Variants in ATAD3B observed in about 807,000 individuals in gnomAD.
ATAD3B encodes the protein ATPase family AAA domain containing 3B.
A neutral mutation model predicts 70.2 loss-of-function variants in ATAD3B; 59 were observed. That is an observed-to-expected ratio of 0.84 (90% CI 0.68 to 1.04). The LOEUF (loss-of-function observed/expected upper bound fraction) is 1.04. ATAD3B is among the 50% of genes least tolerant of loss of function. The pLI, the probability that ATAD3B is intolerant of heterozygous loss-of-function variation, is 0.00. For missense variants in ATAD3B, 961 were observed against 913.4 expected, an observed-to-expected ratio of 1.05 and a Z score of -0.67; for synonymous variants, 423 against 388.6, an observed-to-expected ratio of 1.09 and a Z score of -1.04.
chr1:1,489,327 C>G, intron 13 of ATAD3B, 53 bp downstream of exon 13: 2 of 1,610,846 alleles, frequency 1.2e-6, no homozygotes. Flanking sequence ...GCAGCCGTCG[C>G]CCTTGGTTCC....
Position 1,485,105 on chromosome 1 carries a change from G to C in ATAD3B, c.840G>C (p.Gly280=). Residue 280 remains glycine (G), a synonymous_variant, in exon 8 of 16, where the codon GGG becomes GGC. Coordinates refer to ENST00000673477, the MANE Select transcript of ATAD3B (RefSeq NM_031921.6). Reference sequence around the variant, plus strand: ...GCCGCTTCATCGAGGCTCGGCTGGGGAAGCCGTCCCTAGTGAGGGAGACGT... The same window carrying C: ...GCCGCTTCATCGAGGCTCGGCTGGGCAAGCCGTCCCTAGTGAGGGAGACGT... ...VTGRFIEARL[G]KPSLVRETSR... The C allele has an allele frequency of 6.2e-7, 1 of 1,610,500 alleles. No homozygotes were observed. Among genetic ancestry groups the C allele is most frequent in the Non-Finnish European group, 8.5e-7 (1 of 1,179,258 alleles).
At chr1:1,487,831 C>T in intron 11 of ATAD3B, 32 bp from the exon 12 acceptor site, 1 of 1,611,332 alleles carries the variant, frequency 6.2e-7, no homozygotes, top group Non-Finnish European at 8.5e-7. Context: ...TGGCGTCACT[C>T]TCGCCTTGCT....
rs1031167839 is a variant in ATAD3B, at chr1:1,490,779, G to A, written c.1614+108G>A. ...CCGGTGTCATGTGGGAGCTTCTGTT[G>A]AGGGGTTTTCAGTGCACAGACGTGA... On this transcript the variant is annotated intron_variant, in intron 15 of 15. Coordinates refer to ENST00000673477, the MANE Select transcript of ATAD3B (RefSeq NM_031921.6). 19 of 1,503,026 alleles carry A rather than the reference G, an allele frequency of 1.3e-5. 1 individual carries two copies. The highest frequency in any genetic ancestry group is 1.7e-5 in the Non-Finnish European group (19 of 1,122,308). 93.1% of individuals were successfully genotyped at this position (1,503,026 alleles called of 1,614,324 possible).
rs1640805926 is a variant in ATAD3B, at chr1:1,496,614, A to G, written c.*797A>G. On this transcript the variant is annotated 3_prime_UTR_variant, in exon 16 of 16. Transcript: ENST00000673477. ...TGGGTCACTGGGGGCCACAGGCCAC[A>G]CTGGGAGACCACAGTCCTGGCATGC... 1 of 152,136 alleles carries G rather than the reference A, an allele frequency of 6.6e-6. No homozygotes were observed. Among genetic ancestry groups the G allele is most frequent in the African/African-American group, 2.4e-5 (1 of 41,326 alleles). The allele number at this position is 152,136 out of a possible 1,614,324, so 9.4% of individuals were successfully genotyped here. A position where few individuals can be genotyped will look rare whatever the true frequency, so the allele number is the denominator to read the frequency against.
intron 2 of ATAD3B, 86 bp from the exon 3 acceptor site, chr1:1,478,558 G>A (rs749554355): frequency 1.5e-5 from 23 of 1,550,344 alleles, no homozygotes; most frequent in Middle Eastern, 1.7e-4. Context: ...AGTCTCTGCC[G>A]TGCCGGAGCT....
chr1:1,502,431 A>G (rs923414055), downstream of ATAD3B, among the ~76,000 whole-genome samples: 3 of 139,874 alleles, frequency 2.1e-5, no homozygotes, highest in Admixed American at 7.4e-5. Flanking sequence ...AGCCAGGATG[A>G]TCTCCTGACC....
the ATAD3B span, among the ~76,000 whole-genome samples, chr1:1,506,726 G>A: frequency 3.3e-5 from 5 of 150,360 alleles, no homozygotes; most frequent in African/African-American, 1.2e-4. Flanking sequence ...TTTGTTTCCT[G>A]TAACTTTGCT....
At position 1,496,233 on chromosome 1, in the gene ATAD3B, T is replaced by C. The variant is rs529586495; in HGVS notation, c.*416T>C. On this transcript the variant is annotated 3_prime_UTR_variant, in exon 16 of 16. Transcript: ENST00000673477. Reference sequence around the variant, plus strand: ...GTGTCTCTCTATTGACTGACACTGCTCGGGGTTTCAGGGGCGCCCTAGCGT... The same window carrying C: ...GTGTCTCTCTATTGACTGACACTGCCCGGGGTTTCAGGGGCGCCCTAGCGT... The C allele has an allele frequency of 3.5e-5, 35 of 999,754 alleles. 1 individual carries two copies. The South Asian group carries it at 1.4e-3, about 39-fold the overall frequency. The allele number at this position is 999,754 out of a possible 1,614,324, so 61.9% of individuals were successfully genotyped here. A position where few individuals can be genotyped will look rare whatever the true frequency, so the allele number is the denominator to read the frequency against.
chr1:1,487,718 G>A (rs1640301031), intron 11 of ATAD3B, 145 bp from the exon 12 acceptor site: 7 of 1,022,940 alleles, frequency 6.8e-6, no homozygotes, highest in South Asian at 2.8e-5. Context: ...GGCTTCTGTC[G>A]AGTCCAGGAC....
At chr1:1,482,775 C>T in intron 7 of ATAD3B, 161 bp downstream of exon 7, 2 of 1,177,756 alleles carry the variant, frequency 1.7e-6, no homozygotes, top group Non-Finnish European at 2.4e-6. Context: ...CTGCTCCTCC[C>T]TCCTTGAGCT....
Position 1,486,524 on chromosome 1 carries a change from C to G in ATAD3B, c.1090-20C>G, listed in dbSNP as rs1640227323. Reference sequence around the variant, plus strand: ...GCAGAGGGAACATCTGTTCTGTCTCCCCTCACTCTTCTTGTCCAGAAACTC... The same window carrying G: ...GCAGAGGGAACATCTGTTCTGTCTCGCCTCACTCTTCTTGTCCAGAAACTC... On this transcript the variant is annotated intron_variant, in intron 10 of 15. Coordinates refer to ENST00000673477, the MANE Select transcript of ATAD3B (RefSeq NM_031921.6). 6.2e-7 allele frequency: 1 copy of G among 1,611,728 alleles called. No individual in the cohort carries two copies. Among genetic ancestry groups the G allele is most frequent in the Non-Finnish European group, 8.5e-7 (1 of 1,179,318 alleles).
intron 2 of ATAD3B, 103 bp downstream of exon 2, chr1:1,477,453 T>C (rs1639651435): frequency 2.6e-6 from 4 of 1,553,424 alleles, no homozygotes; most frequent in African/African-American, 2.7e-5. Context: ...GGCGTGTACA[T>C]GGGCAGCAGT....
intron 13 of ATAD3B, chr1:1,490,026 C>G: frequency 1.4e-6 from 2 of 1,381,426 alleles, no homozygotes; most frequent in Non-Finnish European, 1.9e-6. Context: ...AAGTACCACA[C>G]AGGGCAAGAA....
At chr1:1,486,855 G>A (rs1192634590) in intron 11 of ATAD3B, among the ~76,000 whole-genome samples, 187 bp downstream of exon 11, 4 of 149,962 alleles carry the variant, frequency 2.7e-5, no homozygotes, top group Admixed American at 6.6e-5. Flanking sequence ...TGGTGGACAC[G>A]AGGTCCCCAG....
chr1:1,485,580 C>G (rs1022086205), intron 8 of ATAD3B, among the ~76,000 whole-genome samples: 2 of 152,080 alleles, frequency 1.3e-5, no homozygotes, highest in South Asian at 2.1e-4. Context: ...AAAATAAAAG[C>G]CAATAAGGAA....
intron 4 of ATAD3B, among the ~76,000 whole-genome samples, chr1:1,479,900 A>G (rs1386307688): frequency 7.1e-6 from 1 of 141,058 alleles, no homozygotes; most frequent in Non-Finnish European, 1.5e-5. Context: ...GCACACGCCC[A>G]CACACACGGG....
At chr1:1,499,259 G>C (rs550163311), downstream of ATAD3B, among the ~76,000 whole-genome samples, 144 of 143,966 alleles carry the variant, frequency 1.0e-3, 1 homozygote, top group African/African-American at 3.1e-3. Context: ...GCGTGAGCCA[G>C]TGCGCCCGGC....
At chr1:1,479,854 A>G (rs1351176766) in intron 4 of ATAD3B, among the ~76,000 whole-genome samples, 1 of 135,046 alleles carries the variant, frequency 7.4e-6, no homozygotes, top group Non-Finnish European at 1.6e-5. Context: ...ACCGCCCCGC[A>G]CACACGGGCC....
the ATAD3B span, among the ~76,000 whole-genome samples, chr1:1,506,058 C>T: frequency 2.0e-5 from 3 of 151,956 alleles, no homozygotes; most frequent in Non-Finnish European, 2.9e-5. Context: ...AATGGTGAAA[C>T]GCTGTCTCTA....
Sources: gnomAD v4.1 joint callset for allele counts (sites outside exome capture counted in the v4.1 genomes callset) on GRCh38, gnomAD v4.1.1 for gene constraint, MANE v1.5 for transcripts, NCBI Gene and HGNC (gene_info 2026-07-23, HGNC 2026-07-21) for gene names.